WASF2: variants seen among roughly 807,000 people sequenced by gnomAD.
The protein encoded by WASF2 is actin-binding protein WASF2.
A neutral mutation model predicts 45.0 loss-of-function variants in WASF2; 14 were observed. The ratio of observed to expected loss-of-function variants is 0.31; its 90% CI spans 0.21 to 0.49. WASF2 has a LOEUF of 0.49. Ranked by LOEUF, WASF2 falls within the 20% of genes least tolerant of loss-of-function variation. The pLI, the probability that WASF2 is intolerant of heterozygous loss-of-function variation, is 0.99. For synonymous variants in WASF2, 200 were observed against 236.3 expected (o/e 0.85, Z 1.41); for missense variants, 439 against 636.1 (o/e 0.69, Z 3.33).
intron 1 of WASF2, among the ~76,000 whole-genome samples, chr1:27,474,937 G>A (rs772520185): frequency 1.5e-4 from 23 of 152,012 alleles, no homozygotes; most frequent in Admixed American, 5.9e-4. Flanking sequence ...AGGTGACAGA[G>A]TGGGATCTTG....
chr1:27,483,003 A>C (rs2017873260), intron 1 of WASF2, among the ~76,000 whole-genome samples: 1 of 152,182 alleles, frequency 6.6e-6, no homozygotes, highest in African/African-American at 2.4e-5. Context: ...CGGACCATGA[A>C]ATGGAAGAGG....
intron 2 of WASF2, among the ~76,000 whole-genome samples, chr1:27,426,443 T>C (rs1477109987): frequency 6.6e-6 from 1 of 151,986 alleles, no homozygotes; most frequent in Non-Finnish European, 1.5e-5. Flanking sequence ...CTGAGAAATC[T>C]GTAGGAAGTC....
chr1:27,474,057 C>T (rs766331510), intron 1 of WASF2, among the ~76,000 whole-genome samples: 2 of 152,138 alleles, frequency 1.3e-5, no homozygotes, highest in African/African-American at 2.4e-5. Context: ...GTGGGGAGAA[C>T]GTGCAAACTA....
At chr1:27,489,961 C>G (rs1161431817) in intron 1 of WASF2, 25 bp downstream of exon 1, 1 of 152,240 alleles carries the variant, frequency 6.6e-6, no homozygotes, top group Non-Finnish European at 1.5e-5. Context: ...CCAGCGGGGT[C>G]TACCCAAGGG....
intron 1 of WASF2, among the ~76,000 whole-genome samples, chr1:27,466,482 G>C (rs2017612739): frequency 6.6e-6 from 1 of 152,184 alleles, no homozygotes; most frequent in Non-Finnish European, 1.5e-5. Flanking sequence ...AGGAGCCACT[G>C]CATACATGCA....
At chr1:27,424,697 T>C (rs982748562) in intron 2 of WASF2, among the ~76,000 whole-genome samples, 1 of 152,170 alleles carries the variant, frequency 6.6e-6, no homozygotes, top group African/African-American at 2.4e-5. Flanking sequence ...ATTTCGTTTA[T>C]ATTTTGTAGA....
Position 27,421,432 on chromosome 1 carries a change from C to G in WASF2, c.131-2344G>C, listed in dbSNP as rs371043438. Among the ~76,000 whole-genome samples, 593 of 152,178 alleles carry G rather than the reference C, an allele frequency of 3.9e-3. 41 individuals are homozygous for G. In the South Asian group the frequency reaches 0.12, roughly 30 times the overall value. Reference sequence around the variant, plus strand: ...GTGGCTCATGCCTGTAATCCCATCACTTTGGGAGGCCAAGGTGGGCAGATC... The same window carrying G: ...GTGGCTCATGCCTGTAATCCCATCAGTTTGGGAGGCCAAGGTGGGCAGATC... On this transcript the variant is annotated intron_variant, in intron 2 of 8. Transcript: ENST00000618852.
rs1232485994 is a variant in WASF2 at position 27,412,633 on chromosome 1, CAG to C, written c.761_762del (p.Ser254CysfsTer59). 6.2e-7 allele frequency: 1 copy of C among 1,614,236 alleles called. No homozygotes were observed. The highest frequency in any genetic ancestry group is 8.5e-7 in the Non-Finnish European group (1 of 1,180,048). On this transcript the variant is annotated frameshift_variant, in exon 7 of 9. Coordinates refer to ENST00000618852, the MANE Select transcript of WASF2 (RefSeq NM_006990.5). LOFTEE classifies it high-confidence loss of function. ...SSYPPPPQSD[S>X]ASSPSPSFSE... ...GAGAAGGAAGGAGAAGGTGAAGAAG[CAG>C]AGTCTGACTGTGGTGGTGGCGGATA... is the stretch of plus-strand genomic sequence containing the variant.
chr1:27,454,183 A>ATTTT (rs2017433113), intron 1 of WASF2, among the ~76,000 whole-genome samples: 9 of 8,474 alleles, frequency 1.1e-3, no homozygotes, highest in East Asian at 3.4e-3. Context: ...ATATATATAT[A>ATTTT]TATATTTTTT....
At chr1:27,448,372 T>C (rs2148123433) in intron 1 of WASF2, among the ~76,000 whole-genome samples, 1 of 152,290 alleles carries the variant, frequency 6.6e-6, no homozygotes, top group South Asian at 2.1e-4. Flanking sequence ...TAGATCGTAC[T>C]CAAAGCAGAA....
intron 1 of WASF2, among the ~76,000 whole-genome samples, chr1:27,464,044 T>A (rs1451184305): frequency 1.3e-5 from 2 of 151,832 alleles, no homozygotes; most frequent in Non-Finnish European, 2.9e-5. Flanking sequence ...CTCATCTATA[T>A]TATTCTAATA....
chr1:27,427,432 C>G (rs1048762352), intron 2 of WASF2, among the ~76,000 whole-genome samples: 6 of 152,304 alleles, frequency 3.9e-5, no homozygotes, highest in East Asian at 3.9e-4. Context: ...CAGAGAGAGA[C>G]AGAGAGAGGC....
chr1:27,476,717 AC>A (rs1007351630), intron 1 of WASF2, among the ~76,000 whole-genome samples: 6 of 152,226 alleles, frequency 3.9e-5, no homozygotes, highest in African/African-American at 1.2e-4. Context: ...AGATGTATAA[AC>A]AAAGGGTCCC....
intron 1 of WASF2, among the ~76,000 whole-genome samples, chr1:27,477,923 A>ACTTC: frequency 6.8e-6 from 1 of 147,412 alleles, no homozygotes; most frequent in Non-Finnish European, 1.5e-5. Context: ...AATAAATAAA[A>ACTTC]AAAAAAATAA....
rs2016750711 is a variant in WASF2 at position 27,410,725 on chromosome 1, C to T, written c.825-519G>A. On this transcript the variant is annotated intron_variant, in intron 7 of 8. Coordinates refer to ENST00000618852, the MANE Select transcript of WASF2 (RefSeq NM_006990.5). The surrounding 1 kb of genome is among the most constrained non-coding windows in gnomAD (Gnocchi z 4.2). ...GGGCAGGAAACCCAAGCCAGGCTGA[C>T]CACACCTGAGTGGGATATAGATTTA... Among the ~76,000 whole-genome samples, 1 of 152,240 alleles carries T rather than the reference C, an allele frequency of 6.6e-6. No individual in the cohort carries two copies. Among genetic ancestry groups the T allele is most frequent in the Non-Finnish European group, 1.5e-5 (1 of 68,050 alleles).
rs917283783 is a variant in WASF2 at position 27,476,549 on chromosome 1, A to G, written c.-44+13437T>C. ...TTTAGAGAGGATACATATTCAAACT[A>G]CATCACATGGTATAATGAGAATTAA... On this transcript the variant is annotated intron_variant, in intron 1 of 8. Coordinates refer to ENST00000618852, the MANE Select transcript of WASF2 (RefSeq NM_006990.5). Among the ~76,000 whole-genome samples, 3 of 152,116 alleles carry G rather than the reference A, an allele frequency of 2.0e-5. No homozygotes were observed. The East Asian group carries it at 5.8e-4, about 29-fold the overall frequency.
At chr1:27,473,918 G>A (rs958636452) in intron 1 of WASF2, among the ~76,000 whole-genome samples, 1 of 152,142 alleles carries the variant, frequency 6.6e-6, no homozygotes, top group Non-Finnish European at 1.5e-5. Context: ...AATCACACAC[G>A]CACCCACACT....
chr1:27,420,503 T>C (rs1365801704), intron 2 of WASF2, among the ~76,000 whole-genome samples: 4 of 142,918 alleles, frequency 2.8e-5, no homozygotes, highest in African/African-American at 5.1e-5. Context: ...CAAATAAATA[T>C]ACCATCTGAG....
intron 1 of WASF2, among the ~76,000 whole-genome samples, chr1:27,460,531 A>G (rs1267696224): frequency 6.6e-6 from 1 of 152,154 alleles, no homozygotes; most frequent in Non-Finnish European, 1.5e-5. Flanking sequence ...CAGGGTGTCC[A>G]TTCACCTTGG....
Sources: allele counts gnomAD v4.1 joint callset (sites outside exome capture counted in the v4.1 genomes callset), GRCh38; gene constraint gnomAD v4.1.1; non-coding constraint Gnocchi (gnomAD v3.1); transcripts MANE v1.5; gene names NCBI Gene and HGNC (gene_info 2026-07-23, HGNC 2026-07-21).